The following CLPB variants were observed in gnomAD, a reference collection of about 807,000 sequenced individuals.
CLPB encodes ClpB family mitochondrial disaggregase, also known as mitochondrial disaggregase.
In CLPB, 40 loss-of-function variants were observed where a neutral mutation model predicts 78.4. The ratio of observed to expected loss-of-function variants is 0.51; its 90% CI spans 0.40 to 0.66. CLPB has a LOEUF of 0.66. CLPB is among the 30% of genes least tolerant of loss of function. The pLI is 0.00. For synonymous variants in CLPB, 333 were observed against 348.0 expected, an observed-to-expected ratio of 0.96 and a Z score of 0.48; for missense variants, 780 against 886.9, an observed-to-expected ratio of 0.88 and a Z score of 1.53.
intron 2 of CLPB, among the ~76,000 whole-genome samples, chr11:72,414,945 C>CGGTG (rs1052417928): frequency 6.6e-6 from 1 of 152,176 alleles, no homozygotes; most frequent in African/African-American, 2.4e-5. Flanking sequence ...AGGCTGGGAA[C>CGGTG]GGTGGTTCAC....
intron 5 of CLPB, among the ~76,000 whole-genome samples, chr11:72,343,351 G>T (rs535972122): frequency 6.6e-6 from 1 of 152,124 alleles, no homozygotes; most frequent in Admixed American, 6.5e-5. Context: ...ATGTGGGGGT[G>T]GGGGAGGTAG....
At chr11:72,404,796 G>T (rs1027974137) in intron 2 of CLPB, among the ~76,000 whole-genome samples, 2 of 152,144 alleles carry the variant, frequency 1.3e-5, no homozygotes, top group Non-Finnish European at 2.9e-5. Flanking sequence ...AACATGTGAG[G>T]GAAGAGTATT....
intron 4 of CLPB, among the ~76,000 whole-genome samples, chr11:72,368,883 T>A (rs1490904918): frequency 6.6e-6 from 1 of 152,206 alleles, no homozygotes; most frequent in Non-Finnish European, 1.5e-5. Context: ...GCCCATGGAC[T>A]GGAAGTTTTC....
At chr11:72,407,370 G>A (rs1318534055) in intron 2 of CLPB, among the ~76,000 whole-genome samples, 1 of 152,198 alleles carries the variant, frequency 6.6e-6, no homozygotes, top group Non-Finnish European at 1.5e-5. Flanking sequence ...ATGGGTGGGT[G>A]TAAAGGGCTA....
intron 2 of CLPB, among the ~76,000 whole-genome samples, chr11:72,405,346 G>C (rs1285212319): frequency 6.6e-6 from 1 of 152,246 alleles, no homozygotes; most frequent in African/African-American, 2.4e-5. Flanking sequence ...AGGAGGCTAA[G>C]GCAGTGGGCA....
At chr11:72,346,888 G>A (rs930653079) in intron 5 of CLPB, among the ~76,000 whole-genome samples, 6 of 151,678 alleles carry the variant, frequency 4.0e-5, no homozygotes, top group Admixed American at 3.9e-4. Context: ...GGCTAAGGCA[G>A]GGGAATCGCT....
At chr11:72,340,653 A>AGACCCTACAGAGGACAGGGTG (rs1950403342) in intron 5 of CLPB, among the ~76,000 whole-genome samples, 1 of 152,228 alleles carries the variant, frequency 6.6e-6, no homozygotes, top group Non-Finnish European at 1.5e-5. Flanking sequence ...ATTTTATGCC[A>AGACCCTACAGAGGACAGGGTG]GACCCTACAG....
chr11:72,302,325 G>A lies in CLPB; in HGVS notation c.1146C>T (p.Ser382=), dbSNP rs377372785. The change falls in exon 10 of 16, where the codon TCC becomes TCT. Residue 382 remains serine, a synonymous_variant. Transcript: ENST00000538039. ...TCACCTCGTGTCGCTCCTGGAACTC[G>A]GACATGTCCAGCCTGATGAAGCCCT... The part of the protein sequence containing the change: ...AKKGFIRLDM[S]EFQERHEVAK... 17 of 1,613,930 alleles carry A rather than the reference G, an allele frequency of 1.1e-5. No homozygotes were observed. The African/African-American group carries it at 1.5e-4, about 14-fold the overall frequency.
rs12291899 is a variant in CLPB at position 72,332,431 on chromosome 11, G to A, written c.776-2627C>T. 2.3e-3 allele frequency among the ~76,000 whole-genome samples: 347 copies of A among 152,246 alleles called. 2 individuals carry two copies. The highest frequency in any genetic ancestry group is 7.7e-3 in the African/African-American group (321 of 41,526). On this transcript the variant is annotated intron_variant, in intron 5 of 15. Transcript: ENST00000538039. ...ATGAACCCAGGAGGCAGGGGCTGCA[G>A]TGAGCTGGGATCACGCCACTGCACT...
intron 12 of CLPB, among the ~76,000 whole-genome samples, chr11:72,295,275 C>T (rs1163104304): frequency 1.3e-5 from 2 of 152,234 alleles, no homozygotes; most frequent in Non-Finnish European, 2.9e-5. Flanking sequence ...CCTCTTATCA[C>T]CCAACAGACT....
At chr11:72,425,130 G>A (rs768112287) in intron 2 of CLPB, among the ~76,000 whole-genome samples, 1 of 152,168 alleles carries the variant, frequency 6.6e-6, no homozygotes, top group Non-Finnish European at 1.5e-5. Context: ...ACTTGCAACT[G>A]TTGCTAATCT....
chr11:72,344,062 G>A (rs1165198290), intron 5 of CLPB, among the ~76,000 whole-genome samples: 1 of 152,126 alleles, frequency 6.6e-6, no homozygotes, highest in Admixed American at 6.5e-5. Flanking sequence ...TCTTCCTTCA[G>A]CCTGAATAAG....
intron 2 of CLPB, chr11:72,408,084 A>T (rs1411341118): frequency 6.7e-7 from 1 of 1,498,180 alleles, no homozygotes; most frequent in Non-Finnish European, 9.0e-7. Context: ...TATAAAGGAA[A>T]GGGCTCTACA....
chr11:72,434,494 A>T lies in CLPB; in HGVS notation c.-20T>A, dbSNP rs770925534. On this transcript the variant is annotated 5_prime_UTR_variant, in exon 1 of 16. Coordinates refer to ENST00000538039, the MANE Select transcript of CLPB (RefSeq NM_001258392.3). ...CAGCATCTTGACAGCTGCTTCGATA[A>T]CCCCGTGGTGCCGGCCCCTGTGCTG... is the stretch of plus-strand genomic sequence containing the variant. The T allele has an allele frequency of 6.6e-7, 1 of 1,521,316 alleles. No individual in the cohort carries two copies. Among genetic ancestry groups the T allele is most frequent in the Admixed American group, 2.2e-5 (1 of 46,198 alleles). The allele number at this position is 1,521,316 out of a possible 1,614,324, so 94.2% of individuals were successfully genotyped here.
At chr11:72,343,358 G>A (rs983038279) in intron 5 of CLPB, among the ~76,000 whole-genome samples, 1 of 152,134 alleles carries the variant, frequency 6.6e-6, no homozygotes, top group East Asian at 1.9e-4. Flanking sequence ...GGTGGGGGAG[G>A]TAGTATCTTC....
chr11:72,401,575 A>G (rs1160375213), intron 3 of CLPB, among the ~76,000 whole-genome samples: 1 of 152,254 alleles, frequency 6.6e-6, no homozygotes, highest in African/African-American at 2.4e-5. Flanking sequence ...GACCTATCTC[A>G]TGTACAGCTA....
intron 4 of CLPB, among the ~76,000 whole-genome samples, chr11:72,377,914 G>A (rs980742833): frequency 2.0e-5 from 3 of 152,192 alleles, no homozygotes; most frequent in Non-Finnish European, 2.9e-5. Flanking sequence ...CACAATGGTC[G>A]AGGTAAGTAG....
At chr11:72,411,158 C>T (rs1042827412) in intron 2 of CLPB, among the ~76,000 whole-genome samples, 1 of 152,238 alleles carries the variant, frequency 6.6e-6, no homozygotes, top group South Asian at 2.1e-4. Context: ...TGGCAGTTGG[C>T]ACACCACAAA....
At chr11:72,416,209 C>T (rs926757753) in intron 2 of CLPB, among the ~76,000 whole-genome samples, 3 of 152,214 alleles carry the variant, frequency 2.0e-5, no homozygotes, top group Non-Finnish European at 2.9e-5. Context: ...ACTTACATTA[C>T]TCCAACTGCC....
Sources: gnomAD v4.1 joint callset for allele counts (sites outside exome capture counted in the v4.1 genomes callset) on GRCh38, gnomAD v4.1.1 for gene constraint, MANE v1.5 for transcripts, NCBI Gene and HGNC (gene_info 2026-07-23, HGNC 2026-07-21) for gene names.